Variants in GRM4 observed in about 807,000 individuals in gnomAD.
The protein encoded by GRM4 is glutamate metabotropic receptor 4, also known as metabotropic glutamate receptor 4.
A neutral mutation model predicts 81.7 loss-of-function variants in GRM4; 28 were observed. The ratio of observed to expected loss-of-function variants is 0.34; its 90% confidence interval spans 0.25 to 0.47. The LOEUF (loss-of-function observed/expected upper bound fraction) is 0.47, where lower values mean the gene tolerates loss of function less well. GRM4 is among the 20% of genes least tolerant of loss of function. GRM4 has a pLI of 1.00. For missense variants in GRM4, 948 were observed against 1,290.0 expected (o/e 0.73, Z 4.06); for synonymous variants, 488 against 528.8 (o/e 0.92, Z 1.06).
chr6:34,155,208 T>C (rs941001690), exon 1 of GRM4: 1 of 1,535,338 alleles, frequency 6.5e-7, no homozygotes, highest in African/African-American at 1.4e-5. Context: ...GGGAGGGGCC[T>C]CTTGTGCGCA....
chr6:34,093,313 C>T (rs939102759), intron 2 of GRM4, among the ~76,000 whole-genome samples: 1 of 152,244 alleles, frequency 6.6e-6, no homozygotes, highest in Non-Finnish European at 1.5e-5. Flanking sequence ...GACCAGTCAG[C>T]TCCCCTTCCT....
chr6:34,083,707 G>A (rs1000446324), intron 3 of GRM4, among the ~76,000 whole-genome samples: 2 of 152,182 alleles, frequency 1.3e-5, no homozygotes, highest in African/African-American at 4.8e-5. Flanking sequence ...AGGGTCCCTG[G>A]GTCCCAGGAG....
upstream of GRM4, among the ~76,000 whole-genome samples, chr6:34,150,986 A>G (rs541637265): frequency 1.3e-5 from 2 of 152,216 alleles, no homozygotes; most frequent in African/African-American, 4.8e-5. Flanking sequence ...CAGAGGACGC[A>G]GGCACAGGTC....
At chr6:34,026,753 T>C (rs1162780655) in intron 10 of GRM4, among the ~76,000 whole-genome samples, 1 of 152,110 alleles carries the variant, frequency 6.6e-6, no homozygotes, top group East Asian at 1.9e-4. Context: ...CCCTCTGCCC[T>C]GTCACAGCAC....
rs570212361 is a variant in GRM4, at chr6:34,050,755, C to T, written c.1168+5789G>A. ...AGAGGCCTCCAGGCTCTGCCTTCTC[C>T]ACCCTCACAGTTAGGCCTTTTCTGG... is the stretch of plus-strand genomic sequence containing the variant. On this transcript the variant is annotated intron_variant, in intron 6 of 10. Transcript: ENST00000538487. 2.6e-5 allele frequency among the ~76,000 whole-genome samples: 4 copies of T among 152,346 alleles called. No individual in the cohort carries two copies. The South Asian group carries it at 8.3e-4, about 32-fold the overall frequency.
rs1768291770 is a variant in GRM4 at position 34,092,553 on chromosome 6, C to T, written c.520-454G>A. Among the ~76,000 whole-genome samples, 1 of 152,148 alleles carries T rather than the reference C, an allele frequency of 6.6e-6. No individual in the cohort carries two copies. Among genetic ancestry groups the T allele is most frequent in the African/African-American group, 2.4e-5 (1 of 41,420 alleles). Reference sequence around the variant, plus strand: ...GACCCAGCAGACCCTGTCCCCACAGCTCTCTGCCAGCTCAGCCTCCTTCCT... The same window carrying T: ...GACCCAGCAGACCCTGTCCCCACAGTTCTCTGCCAGCTCAGCCTCCTTCCT... On this transcript the variant is annotated intron_variant, in intron 2 of 10. Coordinates refer to ENST00000538487, the MANE Select transcript of GRM4 (RefSeq NM_000841.4). The surrounding 1 kb of genome is among the most constrained non-coding windows in gnomAD (Gnocchi z 6.8).
At chr6:34,132,906 T>G in intron 2 of GRM4, 72 bp downstream of exon 2, 1 of 1,312,790 alleles carries the variant, frequency 7.6e-7, no homozygotes, top group Non-Finnish European at 1.1e-6. Flanking sequence ...CGGCCAGGCC[T>G]GGCACCCTGA....
chr6:34,088,949 T>G (rs2499711), intron 3 of GRM4, among the ~76,000 whole-genome samples: 141,238 of 152,198 alleles, frequency 0.93, 65,644 homozygotes, highest in African/African-American at 0.97. Flanking sequence ...GGCCACTCCA[T>G]GTGCCACCTA....
chr6:34,109,319 C>T (rs981136260), intron 2 of GRM4, among the ~76,000 whole-genome samples: 8 of 152,018 alleles, frequency 5.3e-5, no homozygotes, highest in Non-Finnish European at 8.8e-5. Context: ...TTGATCTTAG[C>T]CCCTCCCACC....
Position 34,021,059 on chromosome 6 carries a change from T to C in GRM4, c.*1762A>G, listed in dbSNP as rs1763854612. On this transcript the variant is annotated 3_prime_UTR_variant, in exon 11 of 11. Transcript: ENST00000538487. This position sits in a 1 kb window ranked among gnomAD's most constrained non-coding sequence, Gnocchi z 5.3. ...CCTCATTGTGTTTCTGGCTCTATAA[T>C]TTACCCCAGCCAGAGCCCAGCCCCT... 6.6e-6 allele frequency: 1 copy of C among 151,760 alleles called. No homozygotes were observed. Among genetic ancestry groups the C allele is most frequent in the South Asian group, 2.1e-4 (1 of 4,798 alleles). The allele number at this position is 151,760 out of a possible 1,614,324, so 9.4% of individuals were successfully genotyped here. A position where few individuals can be genotyped will look rare whatever the true frequency, so the allele number is the denominator to read the frequency against.
chr6:34,042,313 C>T lies in GRM4; in HGVS notation c.1169-1565G>A, dbSNP rs574141074. On this transcript the variant is annotated intron_variant, in intron 6 of 10. Coordinates refer to ENST00000538487, the MANE Select transcript of GRM4 (RefSeq NM_000841.4). The surrounding 1 kb of genome is among the most constrained non-coding windows in gnomAD (Gnocchi z 4.2). ...CACAGAAAAGCTCAGTAACATTCCA[C>T]GACTATGAAAAGCTGATGTGAACCC... Among the ~76,000 whole-genome samples the T allele has an allele frequency of 3.3e-5, 5 of 152,272 alleles. No homozygotes were observed. The highest frequency in any genetic ancestry group is 5.9e-5 in the Non-Finnish European group (4 of 68,018).
rs1366212927 is a variant in GRM4 at position 34,036,864 on chromosome 6, G to A, written c.1507-261C>T. Reference sequence around the variant, plus strand: ...CTCTCAAGACTCATATGAAGAAACTGAGCCCAGAAAGCAGTAGTGACAACC... The same window carrying A: ...CTCTCAAGACTCATATGAAGAAACTAAGCCCAGAAAGCAGTAGTGACAACC... On this transcript the variant is annotated intron_variant, in intron 8 of 10. Transcript: ENST00000538487. This position sits in a 1 kb window ranked among gnomAD's most constrained non-coding sequence, Gnocchi z 9.0. Among the ~76,000 whole-genome samples the A allele has an allele frequency of 6.6e-6, 1 of 152,198 alleles. No homozygotes were observed. The highest frequency in any genetic ancestry group is 1.5e-5 in the Non-Finnish European group (1 of 68,034).
chr6:34,118,841 T>C lies in GRM4; in HGVS notation c.519+14137A>G, dbSNP rs531572792. ...CCACCTCCTGGTTCAACAGCAAAATTGAGGGCCTGTCACACATCTTCAGTA... is the reference window on the plus strand; with the variant it reads ...CCACCTCCTGGTTCAACAGCAAAATCGAGGGCCTGTCACACATCTTCAGTA... On this transcript the variant is annotated intron_variant, in intron 2 of 10. Coordinates refer to ENST00000538487, the MANE Select transcript of GRM4 (RefSeq NM_000841.4). 2.0e-5 allele frequency among the ~76,000 whole-genome samples: 3 copies of C among 152,264 alleles called. No individual in the cohort carries two copies. The East Asian group carries it at 5.8e-4, about 29-fold the overall frequency.
intron 2 of GRM4, among the ~76,000 whole-genome samples, chr6:34,117,822 G>A (rs576216558): frequency 8.5e-5 from 13 of 152,156 alleles, no homozygotes; most frequent in African/African-American, 2.7e-4. Flanking sequence ...CTGCACTGTC[G>A]CATCTCCTCA....
In GRM4 at chr6:34,035,456, G is replaced by C. The variant is rs930662337; in HGVS notation, c.2442+212C>G. Among the ~76,000 whole-genome samples the C allele has an allele frequency of 6.6e-6, 1 of 151,594 alleles. No individual in the cohort carries two copies. The stretch of plus-strand genomic sequence containing the variant: ...GAGGGGCAAAAACAGAGAAAGAGGA[G>C]AGAAAACCCAGAACCCAGAGAGAAA... On this transcript the variant is annotated intron_variant, in intron 9 of 10. Coordinates refer to ENST00000538487, the MANE Select transcript of GRM4 (RefSeq NM_000841.4). The surrounding 1 kb of genome is among the most constrained non-coding windows in gnomAD (Gnocchi z 6.6).
chr6:34,134,612 G>C (rs999734247), intron 1 of GRM4, among the ~76,000 whole-genome samples: 1 of 151,992 alleles, frequency 6.6e-6, no homozygotes, highest in Admixed American at 6.6e-5. Context: ...GCAGAGCAGG[G>C]GAAACCCAGC....
chr6:34,062,083 C>A, intron 3 of GRM4, 55 bp from the exon 4 acceptor site: 1 of 1,560,022 alleles, frequency 6.4e-7, no homozygotes, highest in Non-Finnish European at 8.7e-7. Flanking sequence ...AGTCTCCCCA[C>A]CACTCTCCCA....
chr6:34,028,511 A>G, intron 9 of GRM4, 145 bp from the exon 10 acceptor site: 1 of 792,568 alleles, frequency 1.3e-6, no homozygotes, highest in Non-Finnish European at 2.0e-6. Context: ...ACTGCAGACC[A>G]GGGTTTCTGC....
At chr6:34,099,806 G>C (rs915200166) in intron 2 of GRM4, among the ~76,000 whole-genome samples, 8 of 152,188 alleles carry the variant, frequency 5.3e-5, no homozygotes, top group Admixed American at 5.2e-4. Context: ...TGGTCTTTGG[G>C]AGGAGCAGGA....
Sources: allele counts gnomAD v4.1 joint callset (sites outside exome capture counted in the v4.1 genomes callset), GRCh38; gene constraint gnomAD v4.1.1; non-coding constraint Gnocchi (gnomAD v3.1); transcripts MANE v1.5; gene names NCBI Gene and HGNC (gene_info 2026-07-23, HGNC 2026-07-21).